Variants in AGBL4 observed in about 807,000 individuals in gnomAD.
AGBL4 encodes AGBL carboxypeptidase 4.
In AGBL4, 58 loss-of-function variants were observed where a neutral mutation model predicts 66.4. The observed-to-expected ratio is 0.87, with a 90% CI of 0.71 to 1.09. AGBL4 has a LOEUF of 1.09. Among genes scored for constraint, AGBL4 ranks in the 50% least tolerant of loss-of-function variants. The pLI is 0.00. For synonymous variants in AGBL4, 234 were observed against 222.9 expected (o/e 1.05, Z -0.44); for missense variants, 579 against 631.0 (o/e 0.92, Z 0.88).
chr1:50,009,108 AGAG>A (rs1661343244), intron 1 of AGBL4, among the ~76,000 whole-genome samples: 1 of 152,194 alleles, frequency 6.6e-6, no homozygotes, highest in Admixed American at 6.5e-5. Flanking sequence ...TTTGAAAAAC[AGAG>A]GAGAAGGGAA....
At chr1:49,642,284 T>A (rs911219732) in intron 3 of AGBL4, among the ~76,000 whole-genome samples, 2 of 151,930 alleles carry the variant, frequency 1.3e-5, no homozygotes, top group African/African-American at 4.8e-5. Context: ...TTTAAAGACA[T>A]TGGAAGGTAG....
rs77042485 is a variant in AGBL4, at chr1:49,152,217, A to G, written c.377+93553T>C. ...ACTTCACACACTTCCTCTAACCACT[A>G]TGCTATGAGCACTGAGCCACACAAA... On this transcript the variant is annotated intron_variant, in intron 4 of 13. Coordinates refer to ENST00000371839, the MANE Select transcript of AGBL4 (RefSeq NM_032785.4). 4.1e-4 allele frequency among the ~76,000 whole-genome samples: 62 copies of G among 152,282 alleles called. No homozygotes were observed. In the East Asian group the frequency reaches 0.012, roughly 29 times the overall value.
At chr1:48,808,576 A>AT (rs59330287) in intron 6 of AGBL4, among the ~76,000 whole-genome samples, 15 of 151,916 alleles carry the variant, frequency 9.9e-5, no homozygotes, top group Admixed American at 2.6e-4. Flanking sequence ...GAGAAAACCA[A>AT]TTTTTTTTGC....
At chr1:49,855,983 G>A (rs748455618) in intron 1 of AGBL4, among the ~76,000 whole-genome samples, 1 of 151,624 alleles carries the variant, frequency 6.6e-6, no homozygotes, top group Admixed American at 6.6e-5. Context: ...AGATAAAATC[G>A]ATAAACTGCT....
chr1:48,877,396 C>T (rs1649332533), intron 5 of AGBL4, among the ~76,000 whole-genome samples: 1 of 152,012 alleles, frequency 6.6e-6, no homozygotes, highest in South Asian at 2.1e-4. Flanking sequence ...CCTAGGTTAG[C>T]GATGAGGCCC....
intron 3 of AGBL4, among the ~76,000 whole-genome samples, chr1:49,425,463 AG>A (rs1645635986): frequency 6.6e-6 from 1 of 152,242 alleles, no homozygotes; most frequent in South Asian, 2.1e-4. Flanking sequence ...TAATATTTAT[AG>A]CATTTAAAAT....
chr1:49,696,032 A>G (rs1646976586), intron 3 of AGBL4, among the ~76,000 whole-genome samples: 1 of 152,108 alleles, frequency 6.6e-6, no homozygotes. Context: ...AGCAGAATAG[A>G]TTGACTCAGG....
chr1:48,825,432 A>G (rs1297559033), intron 6 of AGBL4, among the ~76,000 whole-genome samples: 2 of 152,140 alleles, frequency 1.3e-5, no homozygotes, highest in Non-Finnish European at 2.9e-5. Context: ...TTGTGGCACA[A>G]TATCTTATTG....
chr1:49,989,335 C>A (rs1328867212), intron 1 of AGBL4, among the ~76,000 whole-genome samples: 1 of 152,122 alleles, frequency 6.6e-6, no homozygotes, highest in East Asian at 1.9e-4. Flanking sequence ...CCTAATCAGG[C>A]AGGAAAGGCT....
intron 3 of AGBL4, among the ~76,000 whole-genome samples, chr1:49,351,053 G>A (rs1470169886): frequency 6.6e-6 from 1 of 152,082 alleles, no homozygotes; most frequent in Non-Finnish European, 1.5e-5. Flanking sequence ...TCTTTCAAAG[G>A]GTCTGTGAAT....
chr1:49,678,577 C>A (rs1273396476), intron 3 of AGBL4, among the ~76,000 whole-genome samples: 1 of 151,974 alleles, frequency 6.6e-6, no homozygotes, highest in Non-Finnish European at 1.5e-5. Flanking sequence ...TTCTTCTTTT[C>A]TAATGTAAGT....
In AGBL4 at chr1:49,549,650, T is replaced by C. The variant is rs190222280; in HGVS notation, c.282+147663A>G. On this transcript the variant is annotated intron_variant, in intron 3 of 13. Coordinates refer to ENST00000371839, the MANE Select transcript of AGBL4 (RefSeq NM_032785.4). ...TCCACTGTGATTTGAGAGAGTGCTT[T>C]ACATAATTTCAATTTTCTTAATTTT... Among the ~76,000 whole-genome samples the C allele has an allele frequency of 1.8e-4, 28 of 152,320 alleles. 1 individual carries two copies. Among genetic ancestry groups the C allele is most frequent in the African/African-American group, 2.9e-4 (12 of 41,590 alleles).
chr1:49,654,496 G>A lies in AGBL4; in HGVS notation c.282+42817C>T, dbSNP rs182379372. ...GATATCCTTGTTAGCTTTCTGTCTC[G>A]TTGATCTGTCTAATGTTGACAGTGG... On this transcript the variant is annotated intron_variant, in intron 3 of 13. Transcript: ENST00000371839. Among the ~76,000 whole-genome samples the A allele has an allele frequency of 1.2e-3, 188 of 152,192 alleles. 1 individual carries two copies. Among genetic ancestry groups the A allele is most frequent in the Admixed American group, 2.7e-3 (42 of 15,284 alleles).
rs147973730 is a variant in AGBL4 at position 48,717,892 on chromosome 1, T to C, written c.635-54651A>G. 2.6e-5 allele frequency among the ~76,000 whole-genome samples: 4 copies of C among 152,314 alleles called. No individual in the cohort carries two copies. In the East Asian group the frequency reaches 7.7e-4, roughly 29 times the overall value. On this transcript the variant is annotated intron_variant, in intron 6 of 13. Coordinates refer to ENST00000371839, the MANE Select transcript of AGBL4 (RefSeq NM_032785.4). ...TACGGTATCTTCATCAGGAGAAATA[T>C]AGACTATAATGCTAAGTCCCAAATA... is the stretch of plus-strand genomic sequence containing the variant.
chr1:49,786,758 C>T (rs1164365645), intron 2 of AGBL4, among the ~76,000 whole-genome samples: 1 of 152,130 alleles, frequency 6.6e-6, no homozygotes, highest in African/African-American at 2.4e-5. Context: ...TAGTTTATCT[C>T]CCTTTTCTCA....
intron 3 of AGBL4, among the ~76,000 whole-genome samples, chr1:49,521,088 C>G (rs1650225041): frequency 6.6e-6 from 1 of 152,014 alleles, no homozygotes; most frequent in Admixed American, 6.6e-5. Context: ...GGATTACAGG[C>G]ATGAGCCACT....
intron 3 of AGBL4, among the ~76,000 whole-genome samples, chr1:49,576,013 G>C (rs567432737): frequency 6.6e-6 from 1 of 152,328 alleles, no homozygotes; most frequent in Non-Finnish European, 1.5e-5. Flanking sequence ...CATACCAAAT[G>C]ATGGAAAATA....
At chr1:49,992,958 T>C (rs1354056775) in intron 1 of AGBL4, among the ~76,000 whole-genome samples, 2 of 152,202 alleles carry the variant, frequency 1.3e-5, no homozygotes, top group East Asian at 1.9e-4. Flanking sequence ...TTCTCAAACA[T>C]GAGAGGAGAA....
intron 3 of AGBL4, among the ~76,000 whole-genome samples, chr1:49,376,147 C>T (rs1438221279): frequency 6.6e-6 from 1 of 152,098 alleles, no homozygotes; most frequent in Non-Finnish European, 1.5e-5. Context: ...TAGTAAACCA[C>T]TATTTGGTGC....
Sources: allele counts gnomAD v4.1 joint callset (sites outside exome capture counted in the v4.1 genomes callset), GRCh38; gene constraint gnomAD v4.1.1; transcripts MANE v1.5; gene names NCBI Gene and HGNC (gene_info 2026-07-23, HGNC 2026-07-21).